Variants in SEPTIN9 observed in about 807,000 individuals in gnomAD.
SEPTIN9 encodes septin-9.
A neutral mutation model predicts 56.6 loss-of-function variants in SEPTIN9; 13 were observed. The observed-to-expected ratio is 0.23, with a 90% CI of 0.15 to 0.37. The LOEUF (loss-of-function observed/expected upper bound fraction) is 0.37. SEPTIN9 is among the 10% of genes least tolerant of loss of function. The pLI, the probability that SEPTIN9 is intolerant of heterozygous loss-of-function variation, is 1.00. For missense variants in SEPTIN9, 650 were observed against 823.1 expected, an observed-to-expected ratio of 0.79 and a Z score of 2.57; for synonymous variants, 332 against 334.1, an observed-to-expected ratio of 0.99 and a Z score of 0.07.
Position 77,445,506 on chromosome 17 carries a change from T to C in SEPTIN9, c.722-36638T>C, listed in dbSNP as rs144567189. On this transcript the variant is annotated intron_variant, in intron 3 of 11. Coordinates refer to ENST00000427177, the MANE Select transcript of SEPTIN9 (RefSeq NM_001113491.2). This position sits in a 1 kb window ranked among gnomAD's most constrained non-coding sequence, Gnocchi z 4.7. Reference sequence around the variant, plus strand: ...AGTGCAGGACCTGGGAACTGGGGGTTGGTGCATGTGTGCACGCACGTGTGT... The same window carrying C: ...AGTGCAGGACCTGGGAACTGGGGGTCGGTGCATGTGTGCACGCACGTGTGT... 6,386 of 442,328 alleles carry C rather than the reference T, an allele frequency of 0.014. 350 individuals carry two copies. Among genetic ancestry groups the C allele is most frequent in the South Asian group, 0.093 (5,565 of 59,592 alleles). 27.4% of individuals were successfully genotyped at this position (442,328 alleles called of 1,614,324 possible). A position where few individuals can be genotyped will look rare whatever the true frequency, so the allele number is the denominator to read the frequency against.
intron 1 of SEPTIN9, among the ~76,000 whole-genome samples, chr17:77,301,200 G>A (rs1041759768): frequency 2.0e-5 from 3 of 152,098 alleles, no homozygotes; most frequent in African/African-American, 7.2e-5. Context: ...TTCCCCAGGG[G>A]CTATCTCAAG....
At chr17:77,382,920 C>T (rs974851905) in intron 2 of SEPTIN9, among the ~76,000 whole-genome samples, 6 of 152,092 alleles carry the variant, frequency 3.9e-5, no homozygotes, top group African/African-American at 1.2e-4. Flanking sequence ...ACTCCTGGCC[C>T]GGAAACATGG....
chr17:77,402,226 A>G lies in SEPTIN9; in HGVS notation c.244A>G (p.Ser82Gly). 1 of 1,613,472 alleles carries G rather than the reference A, an allele frequency of 6.2e-7. No individual in the cohort carries two copies. The highest frequency in any genetic ancestry group is 1.7e-5 in the Admixed American group (1 of 60,022). The change falls in exon 3 of 12, where the codon AGC becomes GGC. Residue 82 changes from serine (S) to glycine (G), a missense_variant. Around this residue, in one of 2 missense-constraint regions of SEPTIN9, gnomAD observed 317 missense variants for 329.1 expected, o/e 0.96. Transcript: ENST00000427177. The surrounding 1 kb of genome is among the most constrained non-coding windows in gnomAD (Gnocchi z 6.6). ...CTCGGCCCGCCATGTGGACTCCCTA[A>G]GCCAACGCTCCCCCAAGGCGTCCCT... ...EPSARHVDSLSQRSPKASLRR... is the reference protein window; with the variant it reads ...EPSARHVDSLGQRSPKASLRR...
At position 77,405,841 on chromosome 17, in the gene SEPTIN9, C is replaced by A. The variant is rs11653743; in HGVS notation, c.721+3138C>A. 0.32 allele frequency among the ~76,000 whole-genome samples: 48,771 copies of A among 152,022 alleles called. 8,608 individuals carry two copies. The highest frequency in any genetic ancestry group is 0.4 in the Non-Finnish European group (27,440 of 67,880). ...GCCCATCTTTCCTTCAGGCCCATCCCCTTCTGCCCCTCCATGTGGGGCTGG... is the reference window on the plus strand; with the variant it reads ...GCCCATCTTTCCTTCAGGCCCATCCACTTCTGCCCCTCCATGTGGGGCTGG... On this transcript the variant is annotated intron_variant, in intron 3 of 11. Transcript: ENST00000427177. The surrounding 1 kb of genome is among the most constrained non-coding windows in gnomAD (Gnocchi z 5.8).
Position 77,313,955 on chromosome 17 carries a change from C to T in SEPTIN9, c.76+6758C>T, listed in dbSNP as rs1426353945. On this transcript the variant is annotated intron_variant, in intron 2 of 11. Coordinates refer to ENST00000427177, the MANE Select transcript of SEPTIN9 (RefSeq NM_001113491.2). This position sits in a 1 kb window ranked among gnomAD's most constrained non-coding sequence, Gnocchi z 4.5. ...GTGACCCATGCCTGTAATCCCAGTA[C>T]TTTTGGAGCCGAGGTGGGAGGATCA... Among the ~76,000 whole-genome samples, 1 of 152,012 alleles carries T rather than the reference C, an allele frequency of 6.6e-6. No individual in the cohort carries two copies. The highest frequency in any genetic ancestry group is 6.5e-5 in the Admixed American group (1 of 15,270).
chr17:77,390,311 C>T (rs1465685109), intron 2 of SEPTIN9, among the ~76,000 whole-genome samples: 1 of 131,998 alleles, frequency 7.6e-6, no homozygotes, highest in Non-Finnish European at 1.6e-5. Flanking sequence ...GGCACCACTG[C>T]ACCGCAGCCT....
intron 3 of SEPTIN9, among the ~76,000 whole-genome samples, chr17:77,474,096 T>C (rs371538071): frequency 6.6e-6 from 1 of 152,226 alleles, no homozygotes; most frequent in African/African-American, 2.4e-5. Context: ...AAGTGAGAAG[T>C]CATCATTGAG....
At position 77,450,622 on chromosome 17, in the gene SEPTIN9, A is replaced by AC. The variant is rs2037928490; in HGVS notation, c.722-31517dup. The AC allele has an allele frequency of 2.0e-6, 2 of 985,302 alleles. No individual in the cohort carries two copies. Among genetic ancestry groups the AC allele is most frequent in the Non-Finnish European group, 2.4e-6 (2 of 830,124 alleles). The allele number at this position is 985,302 out of a possible 1,614,324, so 61.0% of individuals were successfully genotyped here. A position where few individuals can be genotyped will look rare whatever the true frequency, so the allele number is the denominator to read the frequency against. ...ATAGTGTCAGCTCCCTCCTCTGGGG[A>AC]CCCCCTTGCTTGTGCCCCTCTGGGT... On this transcript the variant is annotated intron_variant, in intron 3 of 11. Transcript: ENST00000427177. The surrounding 1 kb of genome is among the most constrained non-coding windows in gnomAD (Gnocchi z 6.0).
intron 2 of SEPTIN9, among the ~76,000 whole-genome samples, chr17:77,388,037 T>G (rs1229154743): frequency 6.6e-6 from 1 of 152,032 alleles, no homozygotes; most frequent in Non-Finnish European, 1.5e-5. Flanking sequence ...TACTCCTCCC[T>G]GGGCTTCTGC....
At chr17:77,288,184 G>A (rs1386669240) in intron 1 of SEPTIN9, 7 of 1,056,304 alleles carry the variant, frequency 6.6e-6, no homozygotes, top group Non-Finnish European at 8.0e-6. Context: ...TTTTCTCAAT[G>A]GGGATGTGGC....
chr17:77,446,202 C>T (rs965096128), intron 3 of SEPTIN9: 2 of 167,140 alleles, frequency 1.2e-5, no homozygotes, highest in Non-Finnish European at 1.5e-5. Context: ...TCAGTCTCAC[C>T]GGACTAAAGT....
intron 10 of SEPTIN9, among the ~76,000 whole-genome samples, chr17:77,493,444 C>T (rs1444513279): frequency 6.6e-6 from 1 of 152,202 alleles, no homozygotes; most frequent in East Asian, 1.9e-4. Context: ...GCTCTGTGAG[C>T]CAGATGGACC....
intron 2 of SEPTIN9, among the ~76,000 whole-genome samples, chr17:77,386,439 C>T (rs1260148802): frequency 1.3e-5 from 2 of 152,184 alleles, no homozygotes; most frequent in Non-Finnish European, 2.9e-5. Flanking sequence ...GCAGGCCAGG[C>T]TCCCGTGGCC....
At chr17:77,401,587 A>T (rs1207691580) in intron 2 of SEPTIN9, among the ~76,000 whole-genome samples, 1 of 152,090 alleles carries the variant, frequency 6.6e-6, no homozygotes, top group Non-Finnish European at 1.5e-5. Flanking sequence ...CTCTACTAAA[A>T]ATACAAAAAT....
In SEPTIN9 at chr17:77,405,024, A is replaced by G; in HGVS notation, c.721+2321A>G. 1 of 1,494,840 alleles carries G rather than the reference A, an allele frequency of 6.7e-7. No homozygotes were observed. The highest frequency in any genetic ancestry group is 9.0e-7 in the Non-Finnish European group (1 of 1,113,510). The allele number at this position is 1,494,840 out of a possible 1,614,324, so 92.6% of individuals were successfully genotyped here. A position where few individuals can be genotyped will look rare whatever the true frequency, so the allele number is the denominator to read the frequency against. On this transcript the variant is annotated intron_variant, in intron 3 of 11. Coordinates refer to ENST00000427177, the MANE Select transcript of SEPTIN9 (RefSeq NM_001113491.2). This position sits in a 1 kb window ranked among gnomAD's most constrained non-coding sequence, Gnocchi z 5.8. ...ACCCCCATCCTGGGTTGATGTGTTC[A>G]CACTCAGCTGAGTCAAACAGGATGT...
At chr17:77,431,751 GC>G (rs1303202666) in intron 3 of SEPTIN9, among the ~76,000 whole-genome samples, 1 of 150,764 alleles carries the variant, frequency 6.6e-6, no homozygotes, top group African/African-American at 2.4e-5. Context: ...AATAGCTTGA[GC>G]CCGGGAGGTA....
intron 2 of SEPTIN9, among the ~76,000 whole-genome samples, chr17:77,314,180 A>AT (rs560462464): frequency 0.25 from 35,825 of 142,780 alleles, 4,683 homozygotes; most frequent in Middle Eastern, 0.3. Context: ...AAAAAAAAAA[A>AT]TTTTTTTTTT....
In SEPTIN9 at chr17:77,437,732, G is replaced by A. The variant is rs1598374961; in HGVS notation, c.721+35029G>A. On this transcript the variant is annotated intron_variant, in intron 3 of 11. Coordinates refer to ENST00000427177, the MANE Select transcript of SEPTIN9 (RefSeq NM_001113491.2). The surrounding 1 kb of genome is among the most constrained non-coding windows in gnomAD (Gnocchi z 5.3). ...AGTGAACCCCAGTAGTGGCCTGGGA[G>A]AATCATCTGTCACGAGCCAAGGATG... Among the ~76,000 whole-genome samples, 1 of 152,202 alleles carries A rather than the reference G, an allele frequency of 6.6e-6. No homozygotes were observed. The highest frequency in any genetic ancestry group is 2.4e-5 in the African/African-American group (1 of 41,442).
chr17:77,406,423 A>G (rs369743133), intron 3 of SEPTIN9, among the ~76,000 whole-genome samples: 1 of 151,376 alleles, frequency 6.6e-6, no homozygotes, highest in Non-Finnish European at 1.5e-5. Flanking sequence ...TGATTTGTGT[A>G]TAAACTTTCT....
Sources: allele counts gnomAD v4.1 joint callset (sites outside exome capture counted in the v4.1 genomes callset), GRCh38; gene constraint gnomAD v4.1.1; regional missense constraint gnomAD v4.1.1; non-coding constraint Gnocchi (gnomAD v3.1); transcripts MANE v1.5; gene names NCBI Gene and HGNC (gene_info 2026-07-23, HGNC 2026-07-21).